The following MVK variants were observed in gnomAD, a reference collection of about 807,000 sequenced individuals.
The protein encoded by MVK is mevalonate kinase.
In MVK, 34 loss-of-function variants were observed where a neutral mutation model predicts 43.2. That is an observed-to-expected ratio of 0.79 (90% CI 0.60 to 1.05). The LOEUF is 1.05. Among genes scored for constraint, MVK ranks in the 50% least tolerant of loss-of-function variants. The probability of loss-of-function intolerance (pLI) is 0.00; values close to 1 mark genes in which losing one functional copy is unlikely to be tolerated. For synonymous variants in MVK, 190 were observed against 219.8 expected (o/e 0.86, Z 1.20); for missense variants, 395 against 504.0 (o/e 0.78, Z 2.07).
intron 1 of MVK, 83 bp from the exon 2 acceptor site, chr12:109,574,726 C>T: frequency 8.5e-7 from 1 of 1,171,338 alleles, no homozygotes; most frequent in Non-Finnish European, 1.2e-6. Context: ...TTATGATGGG[C>T]TTGAACTAGG....
rs964778688 is a variant in MVK at position 109,596,725 on chromosome 12, T to G, written c.*148T>G. On this transcript the variant is annotated 3_prime_UTR_variant, in exon 11 of 11. Transcript: ENST00000228510. Reference sequence around the variant, plus strand: ...CCGCTTGGCGATGCCAGCCAAGCTCTGCAGTCCCAGCGGTGGGACCTAGGG... The same window carrying G: ...CCGCTTGGCGATGCCAGCCAAGCTCGGCAGTCCCAGCGGTGGGACCTAGGG... The G allele has an allele frequency of 1.7e-6, 2 of 1,188,774 alleles. No individual in the cohort carries two copies. The highest frequency in any genetic ancestry group is 1.3e-5 in the South Asian group (1 of 75,878). 73.6% of individuals were successfully genotyped at this position (1,188,774 alleles called of 1,614,324 possible).
At position 109,591,325 on chromosome 12, in the gene MVK, GC is replaced by G; in HGVS notation, c.857del (p.Pro286GlnfsTer15). 6.2e-7 allele frequency: 1 copy of G among 1,614,158 alleles called. No individual in the cohort carries two copies. The highest frequency in any genetic ancestry group is 1.1e-5 in the South Asian group (1 of 91,066). ...CERVLGEMGE[A>X]PAPEQYLVLE... ...GCGCGTGCTGGGAGAGATGGGGGAA[GC>G]CCCAGCCCCGGAGCAGTACCTCGTG... On this transcript the variant is annotated frameshift_variant, in exon 9 of 11. Transcript: ENST00000228510. LOFTEE classifies it high-confidence loss of function.
intron 5 of MVK, among the ~76,000 whole-genome samples, chr12:109,582,774 G>A (rs3782899): frequency 0.17 from 25,954 of 152,186 alleles, 2,303 homozygotes; most frequent in African/African-American, 0.19. Flanking sequence ...GGCTAGGTCA[G>A]CTGCCTGAGT....
intron 6 of MVK, 26 bp downstream of exon 6, chr12:109,586,151 ATTG>A: frequency 6.4e-7 from 1 of 1,559,902 alleles, no homozygotes. Context: ...GGTTTATTTT[ATTG>A]TTGTTATTTT....
At position 109,586,188 on chromosome 12, in the gene MVK, G is replaced by A. The variant is rs184055724; in HGVS notation, c.631+63G>A. 701 of 1,250,212 alleles carry A rather than the reference G, an allele frequency of 5.6e-4. 6 individuals are homozygous for A. In the African/African-American group the frequency reaches 9.7e-3, roughly 17 times the overall value. The allele number at this position is 1,250,212 out of a possible 1,614,324, so 77.4% of individuals were successfully genotyped here. A position where few individuals can be genotyped will look rare whatever the true frequency, so the allele number is the denominator to read the frequency against. ...TTAAAAATTCTTATTACAATGGTAG[G>A]TGCCCAAGAGTCTGTGCTGGTTTGG... On this transcript the variant is annotated intron_variant, in intron 6 of 10. Coordinates refer to ENST00000228510, the MANE Select transcript of MVK (RefSeq NM_000431.4).
chr12:109,582,305 G>A (rs1324609368), intron 5 of MVK, among the ~76,000 whole-genome samples: 1 of 101,522 alleles, frequency 9.9e-6, no homozygotes, highest in Non-Finnish European at 2.0e-5. Context: ...TTTGTTTTCT[G>A]AGCTTGGTTT....
chr12:109,594,624 A>G (rs1232719048), intron 9 of MVK, among the ~76,000 whole-genome samples: 1 of 152,216 alleles, frequency 6.6e-6, no homozygotes, highest in Non-Finnish European at 1.5e-5. Flanking sequence ...ATATCTGATC[A>G]TGTGGCAAGA....
chr12:109,587,858 A>G (rs1277723240), intron 7 of MVK: 1 of 152,232 alleles, frequency 6.6e-6, no homozygotes, highest in Non-Finnish European at 1.5e-5. Context: ...GGGCTGGGTT[A>G]TTCTTTGTGG....
intron 9 of MVK, among the ~76,000 whole-genome samples, chr12:109,593,493 G>A (rs1885773077): frequency 6.6e-6 from 1 of 152,130 alleles, no homozygotes; most frequent in Non-Finnish European, 1.5e-5. Flanking sequence ...CTCAGAGGCA[G>A]GGTAGACAGG....
chr12:109,577,775 GT>G (rs1566142567), intron 3 of MVK, among the ~76,000 whole-genome samples: 3 of 152,216 alleles, frequency 2.0e-5, no homozygotes, highest in Non-Finnish European at 4.4e-5. Context: ...GGTGGTAGGA[GT>G]TTTTGAAAGG....
intron 3 of MVK, among the ~76,000 whole-genome samples, chr12:109,578,333 A>G (rs117944190): frequency 4.2e-4 from 64 of 151,876 alleles, no homozygotes; most frequent in Non-Finnish European, 6.9e-4. Context: ...CCTGGGCTCA[A>G]GTGTTCTTCT....
Position 109,596,589 on chromosome 12 carries a change from G to C in MVK, c.*12G>C. The stretch of plus-strand genomic sequence containing the variant: ...TGGATGGCCTCTGAGAGGAGCCCAC[G>C]ACACTGCAGCCCCACCCAGATGCCC... On this transcript the variant is annotated 3_prime_UTR_variant, in exon 11 of 11. Transcript: ENST00000228510. The C allele has an allele frequency of 6.2e-7, 1 of 1,606,406 alleles. No homozygotes were observed. Among genetic ancestry groups the C allele is most frequent in the Non-Finnish European group, 8.5e-7 (1 of 1,179,768 alleles).
Position 109,576,158 on chromosome 12 carries a change from AG to A in MVK, c.226+15del, listed in dbSNP as rs1453494547. ...ACAAGCTTTCTGGGTGAGTGCAAGG[AG>A]GAGAAACCAGGTGTGCTAAGAGCCT... On this transcript the variant is annotated intron_variant, in intron 3 of 10. Coordinates refer to ENST00000228510, the MANE Select transcript of MVK (RefSeq NM_000431.4). 2 of 1,613,946 alleles carry A rather than the reference AG, an allele frequency of 1.2e-6. No homozygotes were observed. Among genetic ancestry groups the A allele is most frequent in the Non-Finnish European group, 1.7e-6 (2 of 1,180,006 alleles).
At chr12:109,583,089 GT>G (rs71079573) in intron 5 of MVK, among the ~76,000 whole-genome samples, 22 of 148,876 alleles carry the variant, frequency 1.5e-4, no homozygotes, top group Admixed American at 7.3e-4. Context: ...TCCTTGGTCT[GT>G]TTTTTTTTTC....
chr12:109,590,329 G>A (rs72648028), intron 7 of MVK: 4,651 of 315,910 alleles, frequency 0.015, 70 homozygotes, highest in Middle Eastern at 0.024. Flanking sequence ...ACTGTGCCGG[G>A]TTCCGCCACC....
At chr12:109,580,901 A>T (rs1593016760) in intron 4 of MVK, among the ~76,000 whole-genome samples, 1 of 150,454 alleles carries the variant, frequency 6.6e-6, no homozygotes, top group South Asian at 2.2e-4. Flanking sequence ...CGGTGGAGGG[A>T]GGGAGGGCAG....
At chr12:109,573,530 C>T (rs770130176), upstream of MVK, 5 of 1,561,318 alleles carry the variant, frequency 3.2e-6, no homozygotes, top group Non-Finnish European at 4.3e-6. Flanking sequence ...CCGTCCAGTC[C>T]GCGGGGTGAC....
At chr12:109,593,977 C>CA (rs1885803262) in intron 9 of MVK, among the ~76,000 whole-genome samples, 1 of 151,910 alleles carries the variant, frequency 6.6e-6, no homozygotes, top group African/African-American at 2.4e-5. Context: ...CTCGACCTCC[C>CA]AAAGTGCTGG....
At chr12:109,591,011 T>A in intron 8 of MVK, 150 bp downstream of exon 8, 1 of 964,774 alleles carries the variant, frequency 1.0e-6, no homozygotes, top group Non-Finnish European at 1.6e-6. Context: ...GAAAAGAAGG[T>A]ACCGTCCGTG....
Sources: allele counts gnomAD v4.1 joint callset (sites outside exome capture counted in the v4.1 genomes callset), GRCh38; gene constraint gnomAD v4.1.1; transcripts MANE v1.5; gene names NCBI Gene and HGNC (gene_info 2026-07-23, HGNC 2026-07-21).